Variants in OSTM1 observed in about 807,000 individuals in gnomAD.
OSTM1 encodes osteoclastogenesis associated transmembrane protein 1.
Under a neutral mutation model 35.4 loss-of-function variants are expected in OSTM1, and 26 were observed. The observed-to-expected ratio is 0.73, with a 90% CI of 0.54 to 1.02. OSTM1 has a LOEUF of 1.02. OSTM1 is among the 50% of genes least tolerant of loss of function. OSTM1 has a pLI of 0.00. For synonymous variants in OSTM1, 181 were observed against 165.0 expected, an observed-to-expected ratio of 1.10 and a Z score of -0.75; for missense variants, 366 against 409.6, an observed-to-expected ratio of 0.89 and a Z score of 0.92.
At position 108,064,224 on chromosome 6, in the gene OSTM1, C is replaced by G; in HGVS notation, c.478G>C (p.Glu160Gln). Residue 160 changes from glutamate to glutamine, a missense_variant, in exon 2 of 6, where the codon GAA (glutamate) becomes CAA (glutamine). By Grantham distance (29) the Glu-to-Gln change is conservative. This residue lies in a region of OSTM1 where 236 missense variants were observed against 239.3 expected (regional missense o/e 0.99). Transcript: ENST00000193322. ...TCCTGCCATGTGGTATTAAAAAATT[C>G]TGAGAGAATCACAACTATTTGCATT... ...DRMQIVVILSEFFNTTWQEAN... is the reference protein window; with the variant it reads ...DRMQIVVILSQFFNTTWQEAN... 6.2e-7 allele frequency: 1 copy of G among 1,604,676 alleles called. No individual in the cohort carries two copies. Among genetic ancestry groups the G allele is most frequent in the Non-Finnish European group, 8.5e-7 (1 of 1,173,286 alleles).
intron 1 of OSTM1, chr6:108,073,694 G>C (rs1160187850): frequency 6.3e-6 from 1 of 158,238 alleles, no homozygotes; most frequent in Non-Finnish European, 1.4e-5. Flanking sequence ...GCTCCAGACT[G>C]TTCACATCAC....
intron 2 of OSTM1, chr6:108,061,049 T>G (rs1184205250): frequency 1.3e-5 from 2 of 152,174 alleles, no homozygotes; most frequent in Non-Finnish European, 2.9e-5. Flanking sequence ...TCTAAAAAGC[T>G]TAAGAATACT....
intron 1 of OSTM1, among the ~76,000 whole-genome samples, chr6:108,072,492 G>C (rs1010772854): frequency 6.6e-6 from 1 of 151,878 alleles, no homozygotes; most frequent in Non-Finnish European, 1.5e-5. Flanking sequence ...AATTAGTTAG[G>C]TGTGGCAGTG....
chr6:108,051,283 G>T, intron 3 of OSTM1, 85 bp from the exon 4 acceptor site: 1 of 1,018,062 alleles, frequency 9.8e-7, no homozygotes, highest in Non-Finnish European at 1.5e-6. Flanking sequence ...GCTTCTAGAA[G>T]ACGGGAAACA....
chr6:108,049,389 T>G lies in OSTM1; in HGVS notation c.813A>C (p.Arg271=), dbSNP rs763046689. Residue 271 remains arginine, a synonymous_variant, in exon 5 of 6, where the codon CGA becomes CGC. Transcript: ENST00000193322. ...TGCAAGGGACTGAACAGTTGAAAGTTCGACTCCATAGTTTTCGAGTGATGT... is the reference window on the plus strand; with the variant it reads ...TGCAAGGGACTGAACAGTTGAAAGTGCGACTCCATAGTTTTCGAGTGATGT... ...AMNITRKLWS[R]TFNCSVPCSD... 2 of 1,613,940 alleles carry G rather than the reference T, an allele frequency of 1.2e-6. No individual in the cohort carries two copies. Among genetic ancestry groups the G allele is most frequent in the South Asian group, 2.2e-5 (2 of 91,054 alleles).
chr6:108,063,547 T>C (rs1454568386), intron 2 of OSTM1, among the ~76,000 whole-genome samples: 5 of 152,214 alleles, frequency 3.3e-5, no homozygotes, highest in African/African-American at 9.7e-5. Flanking sequence ...TAGCACATAG[T>C]TGGTATTCAA....
intron 5 of OSTM1, among the ~76,000 whole-genome samples, chr6:108,049,037 C>T (rs9400182): frequency 0.041 from 6,188 of 152,184 alleles, 432 homozygotes; most frequent in Admixed American, 0.19. Context: ...AGGCATGAGC[C>T]ACTGCACCTA....
At chr6:108,066,941 T>G (rs1772390215) in intron 1 of OSTM1, among the ~76,000 whole-genome samples, 1 of 152,194 alleles carries the variant, frequency 6.6e-6, no homozygotes, top group African/African-American at 2.4e-5. Flanking sequence ...CTTAGAACTC[T>G]TAATACTCAA....
At chr6:108,050,348 C>T (rs1174563088) in intron 4 of OSTM1, among the ~76,000 whole-genome samples, 1 of 147,920 alleles carries the variant, frequency 6.8e-6, no homozygotes, top group Non-Finnish European at 1.5e-5. Flanking sequence ...GTAGTGAAAT[C>T]CAGAAACGTC....
At position 108,054,478 on chromosome 6, in the gene OSTM1, T is replaced by C; in HGVS notation, c.615+12A>G. 1.6e-6 allele frequency: 2 copies of C among 1,217,952 alleles called. No individual in the cohort carries two copies. Among genetic ancestry groups the C allele is most frequent in the East Asian group, 4.8e-5 (2 of 41,776 alleles). The allele number at this position is 1,217,952 out of a possible 1,614,324, so 75.4% of individuals were successfully genotyped here. A position where few individuals can be genotyped will look rare whatever the true frequency, so the allele number is the denominator to read the frequency against. On this transcript the variant is annotated intron_variant, in intron 3 of 5. Coordinates refer to ENST00000193322, the MANE Select transcript of OSTM1 (RefSeq NM_014028.4). The stretch of plus-strand genomic sequence containing the variant: ...GGCAGCATTTTAATTTTAAATATTA[T>C]ATATAAAATACCTGAAGGTTATGTT...
intron 2 of OSTM1, among the ~76,000 whole-genome samples, chr6:108,063,239 C>T (rs1180820370): frequency 6.6e-6 from 1 of 152,012 alleles, no homozygotes; most frequent in East Asian, 1.9e-4. Context: ...AGGCTGGTCT[C>T]AAACTCCTGG....
Position 108,043,700 on chromosome 6 carries a change from A to C in OSTM1, c.*1085T>G, listed in dbSNP as rs543280303. On this transcript the variant is annotated 3_prime_UTR_variant, in exon 6 of 6. Transcript: ENST00000193322. ...AGCACGAACTATGTGATTTCATTTC[A>C]ATCGTATCACTTTCATCTGATTGAA... 29 of 152,252 alleles carry C rather than the reference A, an allele frequency of 1.9e-4. No individual in the cohort carries two copies. The highest frequency in any genetic ancestry group is 4.0e-4 in the Non-Finnish European group (27 of 68,042). 9.4% of individuals were successfully genotyped at this position (152,252 alleles called of 1,614,324 possible). A position where few individuals can be genotyped will look rare whatever the true frequency, so the allele number is the denominator to read the frequency against.
At chr6:108,059,821 C>T (rs760990695) in intron 2 of OSTM1, among the ~76,000 whole-genome samples, 4 of 152,016 alleles carry the variant, frequency 2.6e-5, no homozygotes, top group Non-Finnish European at 5.9e-5. Flanking sequence ...TTTACTCTTC[C>T]ACTTTTCTGC....
At chr6:108,053,616 C>T (rs1225874431) in intron 3 of OSTM1, among the ~76,000 whole-genome samples, 1 of 152,186 alleles carries the variant, frequency 6.6e-6, no homozygotes, top group East Asian at 1.9e-4. Flanking sequence ...CAGGCGTGCA[C>T]CACCAAGCCT....
In OSTM1 at chr6:108,042,414, C is replaced by CTTTTTT. The variant is rs58798743; in HGVS notation, c.*2365_*2370dup. The CTTTTTT allele has an allele frequency of 2.3e-5, 3 of 129,270 alleles. No individual in the cohort carries two copies. The highest frequency in any genetic ancestry group is 1.6e-4 in the Admixed American group (2 of 12,392). 8.0% of individuals were successfully genotyped at this position (129,270 alleles called of 1,614,324 possible). A position where few individuals can be genotyped will look rare whatever the true frequency, so the allele number is the denominator to read the frequency against. Reference sequence around the variant, plus strand: ...TAAGACAGACAGTACTTTCTTTTTTCTTTTTTTTTTTTTTTTTTTGAGACA... The same window carrying CTTTTTT: ...TAAGACAGACAGTACTTTCTTTTTTCTTTTTTTTTTTTTTTTTTTTTTTTTGAGACA... On this transcript the variant is annotated 3_prime_UTR_variant, in exon 6 of 6. Coordinates refer to ENST00000193322, the MANE Select transcript of OSTM1 (RefSeq NM_014028.4).
chr6:108,051,856 A>T (rs1034578213), intron 3 of OSTM1, among the ~76,000 whole-genome samples: 1 of 152,240 alleles, frequency 6.6e-6, no homozygotes, highest in African/African-American at 2.4e-5. Context: ...AATATTTTGT[A>T]CTTCTAGACT....
intron 1 of OSTM1, among the ~76,000 whole-genome samples, chr6:108,067,272 C>A (rs1320173756): frequency 6.6e-6 from 1 of 152,128 alleles, no homozygotes; most frequent in East Asian, 1.9e-4. Context: ...CCCCTACATG[C>A]AACCTCTCCT....
chr6:108,074,578 C>G lies in OSTM1; in HGVS notation c.74G>C (p.Trp25Ser), dbSNP rs995427170. 5 of 1,565,812 alleles carry G rather than the reference C, an allele frequency of 3.2e-6. No homozygotes were observed. In the African/African-American group the frequency reaches 6.8e-5, roughly 21 times the overall value. ...PPWLPLGLLL[W>S]SGLALGALPF... ...GAGCGCGCCCAGGGCCAGCCCCGAC[C>G]ACAGCAGCAGCCCCAGCGGCAGCCA... is the stretch of plus-strand genomic sequence containing the variant. The change falls in exon 1 of 6, where the codon TGG becomes TCG. Residue 25 changes from tryptophan (W) to serine (S), a missense_variant. This residue lies in a region of OSTM1 where 236 missense variants were observed against 239.3 expected (regional missense o/e 0.99). Transcript: ENST00000193322.
In OSTM1 at chr6:108,074,323, C is replaced by T; in HGVS notation, c.329G>A (p.Arg110His). ...GCLVRSARPV[R>H]LCQTCYPLFQ... The stretch of plus-strand genomic sequence containing the variant: ...GAGGGGGTAGCAGGTCTGACAGAGG[C>T]GCACGGGCCGGGCGCTGCGCACCAG... The change falls in exon 1 of 6, where the codon CGC (arginine) becomes CAC (histidine). Residue 110 changes from arginine (R) to histidine (H), a missense_variant. Arg to His is a conservative substitution (Grantham distance 29, BLOSUM62 0). Around this residue, in one of 3 missense-constraint regions of OSTM1, gnomAD observed 236 missense variants for 239.3 expected, o/e 0.99. Coordinates refer to ENST00000193322, the MANE Select transcript of OSTM1 (RefSeq NM_014028.4). 2.5e-6 allele frequency: 4 copies of T among 1,611,752 alleles called. No homozygotes were observed. The highest frequency in any genetic ancestry group is 3.4e-6 in the Non-Finnish European group (4 of 1,179,754).
Sources: allele counts gnomAD v4.1 joint callset (sites outside exome capture counted in the v4.1 genomes callset), GRCh38; gene constraint gnomAD v4.1.1; regional missense constraint gnomAD v4.1.1; transcripts MANE v1.5; gene names NCBI Gene and HGNC (gene_info 2026-07-23, HGNC 2026-07-21).